Variants in SLC36A4 observed in about 807,000 individuals in gnomAD.
SLC36A4 encodes solute carrier family 36 member 4, also known as neutral amino acid uniporter 4.
In SLC36A4, 49 loss-of-function variants were observed where a neutral mutation model predicts 50.5. The observed-to-expected ratio is 0.97, with a 90% confidence interval of 0.77 to 1.23. SLC36A4 has a LOEUF of 1.23. Ranked by LOEUF, SLC36A4 falls within the 50% of genes most tolerant of loss-of-function variation. SLC36A4 has a pLI of 0.00. For synonymous variants in SLC36A4, 207 were observed against 206.5 expected (o/e 1.00, Z -0.02); for missense variants, 611 against 608.4 (o/e 1.00, Z -0.05).
At position 93,163,364 on chromosome 11, in the gene SLC36A4, AT is replaced by A. The variant is rs530355050; in HGVS notation, c.868-490del. ...GCTCCATCCAGGATACCCACAGTGC[AT>A]TTTGTCACCATGCCTCCTGTCTGAT... On this transcript the variant is annotated intron_variant, in intron 8 of 10. Coordinates refer to ENST00000326402, the MANE Select transcript of SLC36A4 (RefSeq NM_152313.4). Among the ~76,000 whole-genome samples the A allele has an allele frequency of 1.4e-4, 22 of 152,148 alleles. No homozygotes were observed. The South Asian group carries it at 4.6e-3, about 32-fold the overall frequency.
At chr11:93,165,724 G>A (rs748986352) in intron 8 of SLC36A4, among the ~76,000 whole-genome samples, 194 bp downstream of exon 8, 1 of 151,822 alleles carries the variant, frequency 6.6e-6, no homozygotes, top group Non-Finnish European at 1.5e-5. Context: ...GAGCCTAAGT[G>A]GTATGTCTAA....
chr11:93,168,594 G>A (rs183128747), intron 6 of SLC36A4, among the ~76,000 whole-genome samples: 2 of 151,998 alleles, frequency 1.3e-5, no homozygotes, highest in Admixed American at 1.3e-4. Context: ...ATTTTCTTCA[G>A]ATAGGAAACA....
intron 9 of SLC36A4, among the ~76,000 whole-genome samples, chr11:93,155,859 G>A (rs1021516398): frequency 6.6e-5 from 10 of 152,174 alleles, no homozygotes; most frequent in African/African-American, 2.4e-4. Context: ...AGTTTGCTAA[G>A]GGTAATGACC....
chr11:93,181,562 A>T, intron 5 of SLC36A4, 129 bp downstream of exon 5: 1 of 611,120 alleles, frequency 1.6e-6, no homozygotes, highest in Non-Finnish European at 2.4e-6. Flanking sequence ...AAGTCTGTTT[A>T]ACTCTAAGGG....
rs1013668131 is a variant in SLC36A4 at position 93,181,903 on chromosome 11, C to A, written c.360-117G>T. The A allele has an allele frequency of 1.3e-5, 11 of 831,318 alleles. No homozygotes were observed. In the African/African-American group the frequency reaches 1.8e-4, roughly 13 times the overall value. The allele number at this position is 831,318 out of a possible 1,614,324, so 51.5% of individuals were successfully genotyped here. On this transcript the variant is annotated intron_variant, in intron 4 of 10. Coordinates refer to ENST00000326402, the MANE Select transcript of SLC36A4 (RefSeq NM_152313.4). ...GAATTAATAAATGCAAGGCTATGAA[C>A]TGACAAATGAGTTACCAAAATGTCA...
At chr11:93,162,636 G>T (rs1860676217) in intron 9 of SLC36A4, 70 bp downstream of exon 9, 3 of 1,267,302 alleles carry the variant, frequency 2.4e-6, no homozygotes, top group African/African-American at 1.5e-5. Flanking sequence ...CCAAGAACAC[G>T]ACTTTATCAT....
At chr11:93,195,300 C>T (rs1184925660) in intron 1 of SLC36A4, among the ~76,000 whole-genome samples, 1 of 151,938 alleles carries the variant, frequency 6.6e-6, no homozygotes, top group South Asian at 2.1e-4. Context: ...ACCATAATAT[C>T]CCAGTTAATA....
At position 93,197,802 on chromosome 11, in the gene SLC36A4, CG is replaced by C. The variant is rs1366885792; in HGVS notation, c.30del (p.Ala12ArgfsTer7). The C allele has an allele frequency of 6.3e-7, 1 of 1,583,576 alleles. No individual in the cohort carries two copies. Among genetic ancestry groups the C allele is most frequent in the African/African-American group, 1.4e-5 (1 of 72,796 alleles). Reference protein sequence around the residue: MEAAATPAAAGAARREELDM... With the variant: MEAAATPAAXGAARREELDM... ...CCTAGCTCCTCGCGCCTCGCCGCCC[CG>C]GCAGCCGCCGGCGTCGCCGCCGCTT... is the stretch of plus-strand genomic sequence containing the variant. On this transcript the variant is annotated frameshift_variant, in exon 1 of 11. Coordinates refer to ENST00000326402, the MANE Select transcript of SLC36A4 (RefSeq NM_152313.4). LOFTEE classifies it high-confidence loss of function.
intron 8 of SLC36A4, among the ~76,000 whole-genome samples, chr11:93,164,065 T>C (rs1421353384): frequency 6.6e-6 from 1 of 152,128 alleles, no homozygotes; most frequent in Non-Finnish European, 1.5e-5. Context: ...ACTTTGATTC[T>C]CTTGTAGAAT....
chr11:93,171,474 G>A (rs1257758397), intron 6 of SLC36A4: 5 of 152,022 alleles, frequency 3.3e-5, no homozygotes, highest in Middle Eastern at 3.4e-3. Flanking sequence ...TATGACTTAG[G>A]GCACACTACT....
At chr11:93,188,703 CCTT>C (rs1438502201) in intron 1 of SLC36A4, among the ~76,000 whole-genome samples, 1 of 152,140 alleles carries the variant, frequency 6.6e-6, no homozygotes, top group African/African-American at 2.4e-5. Flanking sequence ...ATTATGTTCA[CCTT>C]CTGTTTGGAT....
At position 93,154,219 on chromosome 11, in the gene SLC36A4, G is replaced by T; in HGVS notation, c.1096C>A (p.Gln366Lys). 6.5e-7 allele frequency: 1 copy of T among 1,536,800 alleles called. No homozygotes were observed. The highest frequency in any genetic ancestry group is 2.4e-5 in the East Asian group (1 of 42,158). Residue 366 changes from glutamine to lysine, a missense_variant, in exon 10 of 11, where the codon CAG becomes AAG. By Grantham distance (53) the Gln-to-Lys change is moderately conservative. Transcript: ENST00000326402. The stretch of plus-strand genomic sequence containing the variant: ...ATGATCTCTGCTGGAACATAGAACT[G>T]AATTGAATATGTCACAAAAATGCCA... ...SFGIFVTYSI[Q>K]FYVPAEIIIP...
At chr11:93,177,414 A>C (rs1244942273) in intron 6 of SLC36A4, among the ~76,000 whole-genome samples, 1 of 152,150 alleles carries the variant, frequency 6.6e-6, no homozygotes, top group African/African-American at 2.4e-5. Context: ...TAGCTTGAAG[A>C]AGTTTGTTAC....
Position 93,185,809 on chromosome 11 carries a change from C to A in SLC36A4, c.61G>T (p.Asp21Tyr), listed in dbSNP as rs1218852115. The change falls in exon 2 of 11, where the codon GAT becomes TAT. Residue 21 changes from aspartate to tyrosine, a missense_variant. Asp to Tyr is a radical substitution (Grantham distance 160). Transcript: ENST00000326402. The stretch of plus-strand genomic sequence containing the variant: ...TCATTTATCAAGGGCCTCATTACAT[C>A]CATATCTTTAAAAAAGAAAAACAAA... ...GAARREELDM[D>Y]VMRPLINEQN... 4 of 1,580,026 alleles carry A rather than the reference C, an allele frequency of 2.5e-6. No individual in the cohort carries two copies. The highest frequency in any genetic ancestry group is 2.6e-6 in the Non-Finnish European group (3 of 1,171,440).
chr11:93,170,797 C>A (rs1861099083), intron 6 of SLC36A4, among the ~76,000 whole-genome samples: 1 of 151,922 alleles, frequency 6.6e-6, no homozygotes, highest in African/African-American at 2.4e-5. Flanking sequence ...ATTCTTTATC[C>A]CCTACTGATT....
chr11:93,168,669 A>G (rs1860992729), intron 6 of SLC36A4, among the ~76,000 whole-genome samples: 1 of 151,792 alleles, frequency 6.6e-6, no homozygotes, highest in South Asian at 2.1e-4. Flanking sequence ...TAACCTTAAA[A>G]CTCTTATAAA....
rs1249034787 is a variant in SLC36A4, at chr11:93,145,153, T to C, written c.*3384A>G. 3 of 152,038 alleles carry C rather than the reference T, an allele frequency of 2.0e-5. No individual in the cohort carries two copies. Among genetic ancestry groups the C allele is most frequent in the African/African-American group, 7.2e-5 (3 of 41,432 alleles). 9.4% of individuals were successfully genotyped at this position (152,038 alleles called of 1,614,324 possible). A position where few individuals can be genotyped will look rare whatever the true frequency, so the allele number is the denominator to read the frequency against. The stretch of plus-strand genomic sequence containing the variant: ...ACAGCTAGAAATGGCACTAATACTT[T>C]AATATTTCAAGTAATATTTTATAGT... On this transcript the variant is annotated 3_prime_UTR_variant, in exon 11 of 11. Transcript: ENST00000326402.
At chr11:93,170,306 C>T (rs1344291197) in intron 6 of SLC36A4, 2 of 152,038 alleles carry the variant, frequency 1.3e-5, no homozygotes, top group Admixed American at 6.6e-5. Flanking sequence ...CACTTATTAA[C>T]TTTTCAATGA....
At chr11:93,171,264 A>T (rs1565226378) in intron 6 of SLC36A4, 1 of 152,102 alleles carries the variant, frequency 6.6e-6, no homozygotes, top group Non-Finnish European at 1.5e-5. Context: ...TTTTCCATTC[A>T]ACCTCAGAAG....
Sources: gnomAD v4.1 joint callset for allele counts (sites outside exome capture counted in the v4.1 genomes callset) on GRCh38, gnomAD v4.1.1 for gene constraint, MANE v1.5 for transcripts, NCBI Gene and HGNC (gene_info 2026-07-23, HGNC 2026-07-21) for gene names.